ACAA2: variants seen among roughly 807,000 people sequenced by gnomAD.
ACAA2 encodes the protein acetyl-CoA acyltransferase 2.
Under a neutral mutation model 44.8 loss-of-function variants are expected in ACAA2, and 35 were observed. The ratio of observed to expected loss-of-function variants is 0.78; its 90% CI spans 0.60 to 1.04. ACAA2 has a LOEUF of 1.04. Among genes scored for constraint, ACAA2 ranks in the 50% least tolerant of loss-of-function variants. ACAA2 has a pLI of 0.00. For missense variants in ACAA2, 468 were observed against 482.6 expected (o/e 0.97, Z 0.28); for synonymous variants, 142 against 166.5 (o/e 0.85, Z 1.13).
At chr18:49,799,101 A>ATTT (rs2023498130) in intron 2 of ACAA2, among the ~76,000 whole-genome samples, 2 of 152,230 alleles carry the variant, frequency 1.3e-5, no homozygotes, top group Non-Finnish European at 2.9e-5. Context: ...GTCAACAGAA[A>ATTT]AAGTATTTGA....
At chr18:49,787,262 A>T (rs989097567) in intron 8 of ACAA2, 29 bp downstream of exon 8, 2 of 1,016,130 alleles carry the variant, frequency 2.0e-6, no homozygotes, top group East Asian at 6.4e-5. Flanking sequence ...CATGTTGTTA[A>T]AAAAAAAAAA....
intron 2 of ACAA2, among the ~76,000 whole-genome samples, chr18:49,797,904 G>A (rs536030503): frequency 2.6e-5 from 4 of 152,058 alleles, no homozygotes; most frequent in Non-Finnish European, 2.9e-5. Flanking sequence ...ATAATGTTGT[G>A]TAACCACAGT....
chr18:49,799,864 G>GGATGTGAGGAGCGCCTCTGCCCGT (rs2023516871), intron 2 of ACAA2, among the ~76,000 whole-genome samples: 1 of 138,728 alleles, frequency 7.2e-6, no homozygotes, highest in Admixed American at 7.2e-5. Flanking sequence ...CCTCTGCCCG[G>GGATGTGAGGAGCGCCTCTGCCCGT]CCGCGACCCC....
chr18:49,787,396 G>C, intron 7 of ACAA2, 35 bp from the exon 8 acceptor site: 1 of 1,286,140 alleles, frequency 7.8e-7, no homozygotes, highest in Non-Finnish European at 1.0e-6. Flanking sequence ...TAAAAATATA[G>C]AAATAAATGT....
Position 49,802,605 on chromosome 18 carries a change from C to G in ACAA2, c.183+82G>C, listed in dbSNP as rs1241733497. The G allele has an allele frequency of 3.1e-6, 4 of 1,287,008 alleles. No individual in the cohort carries two copies. The African/African-American group carries it at 4.5e-5, about 15-fold the overall frequency. The allele number at this position is 1,287,008 out of a possible 1,614,324, so 79.7% of individuals were successfully genotyped here. ...CTATAACTATTATTAACTTGTTTAC[C>G]ATTATGATATGTTAAAGGAATTATT... On this transcript the variant is annotated intron_variant, in intron 2 of 9. Coordinates refer to ENST00000285093, the MANE Select transcript of ACAA2 (RefSeq NM_006111.3).
rs11875628 is a variant in ACAA2 at position 49,810,286 on chromosome 18, T to C, written c.16+3183A>G. Among the ~76,000 whole-genome samples, 979 of 152,100 alleles carry C rather than the reference T, an allele frequency of 6.4e-3. 18 individuals are homozygous for C. The highest frequency in any genetic ancestry group is 0.023 in the African/African-American group (941 of 41,536). ...CGTTCTCCTGCAGCTTGGCACATCA[T>C]TGTCAAACTTTTGAAATCCAAAGAT... On this transcript the variant is annotated intron_variant, in intron 1 of 9. Coordinates refer to ENST00000285093, the MANE Select transcript of ACAA2 (RefSeq NM_006111.3).
chr18:49,799,977 G>A (rs895674185), intron 2 of ACAA2, among the ~76,000 whole-genome samples: 13 of 149,786 alleles, frequency 8.7e-5, no homozygotes, highest in Non-Finnish European at 1.9e-4. Flanking sequence ...CCCTCCGCCC[G>A]GCAGCCACCC....
At chr18:49,805,561 A>C (rs2023601293) in intron 1 of ACAA2, among the ~76,000 whole-genome samples, 1 of 151,480 alleles carries the variant, frequency 6.6e-6, no homozygotes, top group Non-Finnish European at 1.5e-5. Flanking sequence ...CTATTTTTAT[A>C]TCAGTGTTTT....
At chr18:49,794,150 G>T in intron 5 of ACAA2, 130 bp downstream of exon 5, 1 of 735,670 alleles carries the variant, frequency 1.4e-6, no homozygotes. Context: ...AAAGACAAAG[G>T]AATAATGAAA....
chr18:49,802,410 A>C (rs2023562887), intron 2 of ACAA2, among the ~76,000 whole-genome samples: 1 of 151,864 alleles, frequency 6.6e-6, no homozygotes, highest in Admixed American at 6.6e-5. Context: ...AAAAACACAA[A>C]AATTAGCTGG....
chr18:49,790,260 A>G (rs2023382454), intron 7 of ACAA2, among the ~76,000 whole-genome samples: 1 of 152,250 alleles, frequency 6.6e-6, no homozygotes, highest in Non-Finnish European at 1.5e-5. Flanking sequence ...TGAGACACAT[A>G]GTGAAAGATG....
chr18:49,798,376 A>G (rs2023489435), intron 2 of ACAA2, among the ~76,000 whole-genome samples: 1 of 152,148 alleles, frequency 6.6e-6, no homozygotes, highest in South Asian at 2.1e-4. Context: ...TTCTGAATCA[A>G]CAGGTCTAGG....
At position 49,803,599 on chromosome 18, in the gene ACAA2, G is replaced by C. The variant is rs1404766176; in HGVS notation, c.17-746C>G. ...GTGGCTCGTCCTGCTACACTGTGAT[G>C]TAAAGCCATTCTGGTTAGACAACTT... On this transcript the variant is annotated intron_variant, in intron 1 of 9. Coordinates refer to ENST00000285093, the MANE Select transcript of ACAA2 (RefSeq NM_006111.3). Among the ~76,000 whole-genome samples the C allele has an allele frequency of 3.3e-5, 5 of 152,332 alleles. No individual in the cohort carries two copies. In the East Asian group the frequency reaches 5.8e-4, roughly 18 times the overall value.
chr18:49,801,616 C>G (rs543330476), intron 2 of ACAA2, among the ~76,000 whole-genome samples: 30 of 151,878 alleles, frequency 2.0e-4, no homozygotes, highest in Non-Finnish European at 5.9e-5. Context: ...AGATACACAA[C>G]GGCAAGATGA....
chr18:49,791,295 G>A (rs2023395570), intron 7 of ACAA2, among the ~76,000 whole-genome samples, 175 bp downstream of exon 7: 1 of 152,098 alleles, frequency 6.6e-6, no homozygotes. Context: ...CACGGTCTTG[G>A]TTTTTCTATT....
intron 1 of ACAA2, among the ~76,000 whole-genome samples, chr18:49,803,979 C>A (rs113200569): frequency 6.8e-6 from 1 of 146,034 alleles, no homozygotes; most frequent in Non-Finnish European, 1.5e-5. Context: ...GGCGCGATTT[C>A]GGCTCACTGC....
chr18:49,794,341 G>C lies in ACAA2; in HGVS notation c.516C>G (p.His172Gln), dbSNP rs148412743. Residue 172 changes from histidine to glutamine, a missense_variant, in exon 5 of 10, where the codon CAC becomes CAG. Coordinates refer to ENST00000285093, the MANE Select transcript of ACAA2 (RefSeq NM_006111.3). ...TGTCACATTCTTCTCTGCTTATTTT[G>C]TGTTTTACAGCAAGATTCTCTGCAG... is the stretch of plus-strand genomic sequence containing the variant. ...AMTAENLAVK[H>Q]KISREECDKY... The C allele has an allele frequency of 6.2e-6, 10 of 1,610,592 alleles. No individual in the cohort carries two copies. The highest frequency in any genetic ancestry group is 8.5e-6 in the Non-Finnish European group (10 of 1,179,418).
At chr18:49,797,392 T>G in intron 3 of ACAA2, 74 bp downstream of exon 3, 1 of 1,405,258 alleles carries the variant, frequency 7.1e-7, no homozygotes, top group Non-Finnish European at 9.8e-7. Flanking sequence ...GCTAAAGTGT[T>G]ATATTGCAGT....
chr18:49,790,353 G>C (rs1033410176), intron 7 of ACAA2, among the ~76,000 whole-genome samples: 2 of 152,138 alleles, frequency 1.3e-5, no homozygotes, highest in Non-Finnish European at 2.9e-5. Flanking sequence ...CAGCAAATAT[G>C]GTTGAGTATT....
Sources: gnomAD v4.1 joint callset for allele counts (sites outside exome capture counted in the v4.1 genomes callset) on GRCh38, gnomAD v4.1.1 for gene constraint, MANE v1.5 for transcripts, NCBI Gene and HGNC (gene_info 2026-07-23, HGNC 2026-07-21) for gene names.